The following SRFBP1 variants were observed in gnomAD, a reference collection of about 807,000 sequenced individuals.
SRFBP1 encodes the protein serum response factor binding protein 1, also known as serum response factor-binding protein 1.
Under a neutral mutation model 45.5 loss-of-function variants are expected in SRFBP1, and 47 were observed. The observed-to-expected ratio is 1.03, with a 90% CI of 0.82 to 1.32. The LOEUF (loss-of-function observed/expected upper bound fraction) is 1.32. Among genes scored for constraint, SRFBP1 ranks in the 40% most tolerant of loss-of-function variants. The probability of loss-of-function intolerance (pLI) is 0.00; values close to 1 mark genes in which losing one functional copy is unlikely to be tolerated. For synonymous variants in SRFBP1, 203 were observed against 166.3 expected, an observed-to-expected ratio of 1.22 and a Z score of -1.70; for missense variants, 621 against 484.6, an observed-to-expected ratio of 1.28 and a Z score of -2.64.
At chr5:122,067,794 G>A (rs1273252961) in intron 2 of SRFBP1, among the ~76,000 whole-genome samples, 5 of 152,066 alleles carry the variant, frequency 3.3e-5, no homozygotes, top group Admixed American at 6.6e-5. Flanking sequence ...TGCCTGTGAC[G>A]TTGACTTGCC....
intron 4 of SRFBP1, among the ~76,000 whole-genome samples, chr5:122,005,289 A>G (rs1752952314): frequency 6.6e-6 from 1 of 152,092 alleles, no homozygotes; most frequent in Non-Finnish European, 1.5e-5. Context: ...CTCTTCCTTC[A>G]GCTCCGTTAA....
At chr5:122,049,769 A>G (rs974670203) in intron 2 of SRFBP1, among the ~76,000 whole-genome samples, 1 of 152,212 alleles carries the variant, frequency 6.6e-6, no homozygotes, top group African/African-American at 2.4e-5. Flanking sequence ...CTGCTCCTGA[A>G]TGACTACTCG....
chr5:122,001,983 A>G (rs1001397574), intron 4 of SRFBP1, among the ~76,000 whole-genome samples: 5 of 152,218 alleles, frequency 3.3e-5, no homozygotes, highest in African/African-American at 9.7e-5. Flanking sequence ...GGTGTGTGTA[A>G]GAAAAAGATT....
At chr5:122,048,399 T>G (rs1332821633) in intron 2 of SRFBP1, among the ~76,000 whole-genome samples, 1 of 152,240 alleles carries the variant, frequency 6.6e-6, no homozygotes, top group Non-Finnish European at 1.5e-5. Flanking sequence ...TGAAGCCCAC[T>G]TGATCATGGT....
At chr5:122,047,551 A>C (rs1281405958) in intron 2 of SRFBP1, among the ~76,000 whole-genome samples, 1 of 152,150 alleles carries the variant, frequency 6.6e-6, no homozygotes, top group African/African-American at 2.4e-5. Context: ...GTTCCATATG[A>C]ACTTTAAAGT....
At chr5:122,015,316 A>G (rs1297287770) in intron 4 of SRFBP1, among the ~76,000 whole-genome samples, 3 of 152,216 alleles carry the variant, frequency 2.0e-5, no homozygotes, top group African/African-American at 7.2e-5. Flanking sequence ...ACTTACTGCT[A>G]TAATCTGTTG....
intron 4 of SRFBP1, among the ~76,000 whole-genome samples, chr5:122,012,763 TATG>T: frequency 6.6e-6 from 1 of 152,268 alleles, no homozygotes; most frequent in East Asian, 1.9e-4. Context: ...TTCTAATTAT[TATG>T]ATTTCTTATA....
Position 122,020,609 on chromosome 5 carries a change from C to G in SRFBP1, c.874C>G (p.Arg292Gly). The G allele has an allele frequency of 6.2e-7, 1 of 1,613,692 alleles. No individual in the cohort carries two copies. The highest frequency in any genetic ancestry group is 1.3e-5 in the African/African-American group (1 of 74,992). Residue 292 changes from arginine (R) to glycine (G), a missense_variant, in exon 6 of 8, where the codon CGG (arginine) becomes GGG (glycine). Arg to Gly is a moderately radical substitution (Grantham distance 125). Transcript: ENST00000339397. ...CGACTTCTTCATTGGGAAAGTCAGA[C>G]GGACACGAAAGAAGGAAAGTAGTTG... ...GDDFFIGKVR[R>G]TRKKESSCHS...
At chr5:121,974,398 A>G in intron 2 of SRFBP1, 114 bp downstream of exon 2, 1 of 705,794 alleles carries the variant, frequency 1.4e-6, no homozygotes, top group South Asian at 1.8e-5. Flanking sequence ...TGTCTTATAC[A>G]CCATTTTTGT....
intron 2 of SRFBP1, among the ~76,000 whole-genome samples, chr5:122,058,234 A>C (rs1754116106): frequency 6.6e-6 from 1 of 152,118 alleles, no homozygotes; most frequent in East Asian, 1.9e-4. Flanking sequence ...TTCAACAAAT[A>C]TTTGGGGTTT....
intron 3 of SRFBP1, among the ~76,000 whole-genome samples, chr5:121,991,133 A>T (rs1009349366): frequency 6.6e-6 from 1 of 152,092 alleles, no homozygotes; most frequent in African/African-American, 2.4e-5. Flanking sequence ...ATTATTTCAG[A>T]TCTTGAAAAC....
Position 122,028,078 on chromosome 5 carries a change from A to G in SRFBP1, c.*952A>G, listed in dbSNP as rs1040112666. On this transcript the variant is annotated 3_prime_UTR_variant, in exon 8 of 8. Transcript: ENST00000339397. ...AAGTTGTAAGATGACTCACTGAGGA[A>G]GGGACTGCTTTATACATCACAGTAC... The G allele has an allele frequency of 1.3e-5, 2 of 152,228 alleles. No individual in the cohort carries two copies. Among genetic ancestry groups the G allele is most frequent in the African/African-American group, 2.4e-5 (1 of 41,462 alleles). 9.4% of individuals were successfully genotyped at this position (152,228 alleles called of 1,614,324 possible). A position where few individuals can be genotyped will look rare whatever the true frequency, so the allele number is the denominator to read the frequency against.
chr5:122,057,459 CTGTGTGTG>C lies in SRFBP1; in HGVS notation n.312-17828_312-17821del, dbSNP rs3028227. 5.7e-3 allele frequency among the ~76,000 whole-genome samples: 830 copies of C among 146,394 alleles called. 4 individuals are homozygous for C. The highest frequency in any genetic ancestry group is 0.011 in the African/African-American group (425 of 39,988). ...TATGCCATTTGGATTGTTCTCAGTT[CTGTGTGTG>C]TGTGTGTGTGTGTGTGTGTGTGTGT... is the stretch of plus-strand genomic sequence containing the variant. On this transcript the variant is annotated intron_variant and non_coding_transcript_variant, in intron 2 of 2. Transcript: ENST00000504881.
chr5:122,037,388 G>T (rs1471035342), intron 2 of SRFBP1, among the ~76,000 whole-genome samples: 3 of 152,192 alleles, frequency 2.0e-5, no homozygotes, highest in Non-Finnish European at 4.4e-5. Flanking sequence ...GGCTAACTTT[G>T]TAGCTTGCAG....
At chr5:122,074,797 T>C (rs1343592451) in intron 2 of SRFBP1, among the ~76,000 whole-genome samples, 1 of 152,188 alleles carries the variant, frequency 6.6e-6, no homozygotes, top group Non-Finnish European at 1.5e-5. Flanking sequence ...GAAAAAACAA[T>C]GAGGACTGGC....
chr5:122,054,891 C>G (rs1754052306), intron 2 of SRFBP1, among the ~76,000 whole-genome samples: 1 of 152,160 alleles, frequency 6.6e-6, no homozygotes, highest in Non-Finnish European at 1.5e-5. Flanking sequence ...TATGTCATTT[C>G]TACCTTATGA....
intron 2 of SRFBP1, among the ~76,000 whole-genome samples, chr5:122,072,182 G>A (rs1163332463): frequency 6.6e-6 from 1 of 152,130 alleles, no homozygotes; most frequent in Non-Finnish European, 1.5e-5. Flanking sequence ...ATGCTTCAGT[G>A]CTTATCTTGC....
Position 122,027,458 on chromosome 5 carries a change from C to T in SRFBP1, c.*332C>T, listed in dbSNP as rs565168654. On this transcript the variant is annotated 3_prime_UTR_variant, in exon 8 of 8. Transcript: ENST00000339397. Reference sequence around the variant, plus strand: ...AACTTACGCTTATATAAGCCTTTCACAAATCCAATATGTACTTAAATTGAT... The same window carrying T: ...AACTTACGCTTATATAAGCCTTTCATAAATCCAATATGTACTTAAATTGAT... 70 of 161,276 alleles carry T rather than the reference C, an allele frequency of 4.3e-4. No homozygotes were observed. The highest frequency in any genetic ancestry group is 1.5e-3 in the African/African-American group (62 of 41,856). The allele number at this position is 161,276 out of a possible 1,614,324, so 10.0% of individuals were successfully genotyped here.
At chr5:122,064,968 C>A (rs1321824707) in intron 2 of SRFBP1, 1 of 151,906 alleles carries the variant, frequency 6.6e-6, no homozygotes, top group East Asian at 1.9e-4. Flanking sequence ...TTTAAGAAAG[C>A]AAGTATATTA....
Sources: gnomAD v4.1 joint callset for allele counts (sites outside exome capture counted in the v4.1 genomes callset) on GRCh38, gnomAD v4.1.1 for gene constraint, MANE v1.5 for transcripts, NCBI Gene and HGNC (gene_info 2026-07-23, HGNC 2026-07-21) for gene names.